BIRC2: variants seen among roughly 807,000 people sequenced by gnomAD.
BIRC2 encodes the protein baculoviral IAP repeat-containing protein 2.
Under a neutral mutation model 60.9 loss-of-function variants are expected in BIRC2, and 18 were observed. The observed-to-expected ratio is 0.30, with a 90% confidence interval of 0.20 to 0.44. BIRC2 has a LOEUF of 0.44. Ranked by LOEUF, BIRC2 falls within the 20% of genes least tolerant of loss-of-function variation. BIRC2 has a pLI of 1.00. For synonymous variants in BIRC2, 282 were observed against 247.7 expected, an observed-to-expected ratio of 1.14 and a Z score of -1.30; for missense variants, 701 against 728.5, an observed-to-expected ratio of 0.96 and a Z score of 0.43.
chr11:102,364,186 C>CAGAGAGAG (rs56992401), intron 5 of BIRC2, among the ~76,000 whole-genome samples: 7 of 99,774 alleles, frequency 7.0e-5, no homozygotes, highest in East Asian at 3.4e-4. Flanking sequence ...CACACACACA[C>CAGAGAGAG]AGAGAGAGAG....
At position 102,350,625 on chromosome 11, in the gene BIRC2, G is replaced by A; in HGVS notation, c.771G>A (p.Leu257=). 3 of 1,614,130 alleles carry A rather than the reference G, an allele frequency of 1.9e-6. No homozygotes were observed. The highest frequency in any genetic ancestry group is 2.5e-6 in the Non-Finnish European group (3 of 1,180,038). The change falls in exon 2 of 9, where the codon CTG becomes CTA. Residue 257 remains leucine, a synonymous_variant. Coordinates refer to ENST00000227758, the MANE Select transcript of BIRC2 (RefSeq NM_001166.5). ...TTTTGGAAAATTCTCTAGAAACTCTGAGGTTTAGCATTTCAAATCTGAGCA... is the reference window on the plus strand; with the variant it reads ...TTTTGGAAAATTCTCTAGAAACTCTAAGGTTTAGCATTTCAAATCTGAGCA... ...CPFLENSLET[L]RFSISNLSMQ...
At position 102,369,413 on chromosome 11, in the gene BIRC2, T is replaced by C. The variant is rs1279127605; in HGVS notation, c.1366+865T>C. On this transcript the variant is annotated intron_variant, in intron 6 of 8. Transcript: ENST00000227758. The stretch of plus-strand genomic sequence containing the variant: ...CCCACCTATGAGTGAGAATATGCGG[T>C]GTTTGGTTTTTCGTTCTTGCGATAG... Among the ~76,000 whole-genome samples the C allele has an allele frequency of 3.3e-5, 5 of 150,632 alleles. No homozygotes were observed. In the East Asian group the frequency reaches 9.8e-4, roughly 30 times the overall value.
At chr11:102,360,911 G>A (rs779027052) in intron 3 of BIRC2, among the ~76,000 whole-genome samples, 28 of 151,908 alleles carry the variant, frequency 1.8e-4, no homozygotes, top group Non-Finnish European at 3.8e-4. Context: ...AGCTCCATTA[G>A]CCCAGATCAT....
intron 3 of BIRC2, among the ~76,000 whole-genome samples, chr11:102,351,341 G>A (rs1323745907): frequency 5.9e-5 from 9 of 152,298 alleles, no homozygotes; most frequent in East Asian, 5.8e-4. Flanking sequence ...TTAGATGGGC[G>A]TGGTGGCTCA....
chr11:102,351,264 C>T (rs1265810081), intron 3 of BIRC2, among the ~76,000 whole-genome samples: 1 of 151,990 alleles, frequency 6.6e-6, no homozygotes. Flanking sequence ...AACAGGAAAA[C>T]AAGAAGGGAC....
chr11:102,367,273 A>G (rs1951563954), intron 5 of BIRC2, among the ~76,000 whole-genome samples: 1 of 150,762 alleles, frequency 6.6e-6, no homozygotes, highest in African/African-American at 2.4e-5. Flanking sequence ...CATTTTATTT[A>G]TCCATTCCCT....
At chr11:102,372,451 T>C (rs1379928322) in intron 6 of BIRC2, among the ~76,000 whole-genome samples, 3 of 152,232 alleles carry the variant, frequency 2.0e-5, no homozygotes, top group African/African-American at 7.2e-5. Context: ...AGGAGCAGGT[T>C]GTTCAGTGTC....
intron 3 of BIRC2, among the ~76,000 whole-genome samples, chr11:102,353,719 A>G (rs921335535): frequency 1.8e-4 from 26 of 145,418 alleles, no homozygotes; most frequent in African/African-American, 6.7e-4. Flanking sequence ...GAACTCTTAA[A>G]AGATGCTCTT....
At chr11:102,366,375 T>G (rs573165014) in intron 5 of BIRC2, among the ~76,000 whole-genome samples, 1 of 151,986 alleles carries the variant, frequency 6.6e-6, no homozygotes, top group Admixed American at 6.5e-5. Context: ...CACCACTGTT[T>G]TTTTTTTTTG....
chr11:102,376,384 G>A (rs1273501146), intron 6 of BIRC2, among the ~76,000 whole-genome samples: 1 of 152,286 alleles, frequency 6.6e-6, no homozygotes, highest in East Asian at 1.9e-4. Flanking sequence ...AATTATTTAG[G>A]TAGAAGAAAA....
chr11:102,352,142 C>A (rs930281514), intron 3 of BIRC2, among the ~76,000 whole-genome samples: 3 of 148,682 alleles, frequency 2.0e-5, no homozygotes, highest in Non-Finnish European at 3.0e-5. Flanking sequence ...GAGACGGAGT[C>A]TCACTCTGTC....
intron 3 of BIRC2, among the ~76,000 whole-genome samples, chr11:102,361,101 G>A (rs1384769455): frequency 6.6e-6 from 1 of 152,196 alleles, no homozygotes; most frequent in Non-Finnish European, 1.5e-5. Flanking sequence ...CTTTGGGCTT[G>A]TTGTGTTGGT....
intron 5 of BIRC2, among the ~76,000 whole-genome samples, chr11:102,364,139 T>TTTTATA (rs1243245141): frequency 6.5e-5 from 4 of 61,408 alleles, no homozygotes; most frequent in Admixed American, 2.0e-4. Context: ...CTAATAAATA[T>TTTTATA]TATATATATA....
rs755148663 is a variant in BIRC2 at position 102,350,609 on chromosome 11, A to G, written c.755A>G (p.Asn252Ser). Residue 252 changes from asparagine (N) to serine (S), a missense_variant, in exon 2 of 9, where the codon AAT becomes AGT. Coordinates refer to ENST00000227758, the MANE Select transcript of BIRC2 (RefSeq NM_001166.5). ...RHFPNCPFLE[N>S]SLETLRFSIS... is the part of the protein sequence containing the mutation. ...TTTCCCAACTGTCCATTTTTGGAAAATTCTCTAGAAACTCTGAGGTTTAGC... is the reference window on the plus strand; with the variant it reads ...TTTCCCAACTGTCCATTTTTGGAAAGTTCTCTAGAAACTCTGAGGTTTAGC... The G allele has an allele frequency of 6.2e-7, 1 of 1,614,170 alleles. No individual in the cohort carries two copies. Among genetic ancestry groups the G allele is most frequent in the South Asian group, 1.1e-5 (1 of 91,082 alleles).
In BIRC2 at chr11:102,350,612, C is replaced by T. The variant is rs781404080; in HGVS notation, c.758C>T (p.Ser253Phe). 47 of 1,613,980 alleles carry T rather than the reference C, an allele frequency of 2.9e-5. No homozygotes were observed. In the Admixed American group the frequency reaches 4.0e-4, roughly 14 times the overall value. ...HFPNCPFLEN[S>F]LETLRFSISN... ...CCCAACTGTCCATTTTTGGAAAATT[C>T]TCTAGAAACTCTGAGGTTTAGCATT... is the stretch of plus-strand genomic sequence containing the variant. Residue 253 changes from serine to phenylalanine, a missense_variant, in exon 2 of 9, where the codon TCT (serine) becomes TTT (phenylalanine). Ser to Phe is a radical substitution (Grantham distance 155, BLOSUM62 -2). Transcript: ENST00000227758.
intron 3 of BIRC2, 80 bp downstream of exon 3, chr11:102,351,023 C>T (rs1380602326): frequency 2.3e-6 from 3 of 1,307,190 alleles, no homozygotes; most frequent in East Asian, 4.6e-5. Context: ...TTTTGTTTAC[C>T]TTTAAATTAT....
chr11:102,354,966 G>A (rs1455658527), intron 3 of BIRC2, among the ~76,000 whole-genome samples: 1 of 31,454 alleles, frequency 3.2e-5, no homozygotes, highest in Non-Finnish European at 6.4e-5. Context: ...TTTTTTTTTT[G>A]CTATTGAGTT....
chr11:102,353,320 T>C (rs1951384233), intron 3 of BIRC2, among the ~76,000 whole-genome samples: 1 of 152,208 alleles, frequency 6.6e-6, no homozygotes, highest in African/African-American at 2.4e-5. Flanking sequence ...AACACATTTC[T>C]TTTTTCCTTT....
chr11:102,367,206 C>G (rs1951563001), intron 5 of BIRC2, among the ~76,000 whole-genome samples: 1 of 152,138 alleles, frequency 6.6e-6, no homozygotes, highest in African/African-American at 2.4e-5. Flanking sequence ...TAGGTATATA[C>G]CAGTTTAGTT....
Sources: gnomAD v4.1 joint callset for allele counts (sites outside exome capture counted in the v4.1 genomes callset) on GRCh38, gnomAD v4.1.1 for gene constraint, MANE v1.5 for transcripts, NCBI Gene and HGNC (gene_info 2026-07-23, HGNC 2026-07-21) for gene names.